ASB18: variants seen among roughly 807,000 people sequenced by gnomAD.
ASB18 encodes ankyrin repeat and SOCS box protein 18.
Under a neutral mutation model 33.4 loss-of-function variants are expected in ASB18, and 33 were observed. The ratio of observed to expected loss-of-function variants is 0.99; its 90% CI spans 0.75 to 1.32. The LOEUF (loss-of-function observed/expected upper bound fraction) is 1.32, where lower values mean the gene tolerates loss of function less well. Among genes scored for constraint, ASB18 ranks in the 40% most tolerant of loss-of-function variants. ASB18 has a pLI of 0.00. For missense variants in ASB18, 694 were observed against 655.5 expected (o/e 1.06, Z -0.64); for synonymous variants, 295 against 307.6 (o/e 0.96, Z 0.43).
rs779176737 is a variant in ASB18 at position 236,241,337 on chromosome 2, T to A, written c.271A>T (p.Ile91Phe). The part of the protein sequence containing the change: ...FFQDANVVFE[I>F]NKDEMEWQVK... ...TGCCATTCCATCTCATCCTTATTGATCTCAAACACCACGTTGGCATCCTGG... is the reference window on the plus strand; with the variant it reads ...TGCCATTCCATCTCATCCTTATTGAACTCAAACACCACGTTGGCATCCTGG... The change falls in exon 2 of 6, where the codon ATC becomes TTC. Residue 91 changes from isoleucine (I) to phenylalanine (F), a missense_variant. Ile to Phe is a conservative substitution (Grantham distance 21). Transcript: ENST00000409749. The surrounding 1 kb of genome is among the most constrained non-coding windows in gnomAD (Gnocchi z 4.2). 2 of 1,613,884 alleles carry A rather than the reference T, an allele frequency of 1.2e-6. No individual in the cohort carries two copies. The highest frequency in any genetic ancestry group is 1.7e-6 in the Non-Finnish European group (2 of 1,179,836).
intron 3 of ASB18, among the ~76,000 whole-genome samples, chr2:236,230,455 TA>T (rs1422149046): frequency 6.6e-6 from 1 of 151,198 alleles, no homozygotes; most frequent in African/African-American, 2.4e-5. Flanking sequence ...TGAGTAAACA[TA>T]AACACTTGTT....
chr2:236,213,160 G>A lies in ASB18; in HGVS notation c.1101+1202C>T, dbSNP rs2060466695. ...TTCCCTTTCAGGAGTCCACTATATT[G>A]AAATCATTGCCTTAGTGGAGCACCA... On this transcript the variant is annotated intron_variant, in intron 4 of 5. Coordinates refer to ENST00000409749, the MANE Select transcript of ASB18 (RefSeq NM_212556.4). The surrounding 1 kb of genome is among the most constrained non-coding windows in gnomAD (Gnocchi z 4.8). 6.6e-6 allele frequency among the ~76,000 whole-genome samples: 1 copy of A among 151,428 alleles called. No homozygotes were observed. The highest frequency in any genetic ancestry group is 2.4e-5 in the African/African-American group (1 of 41,248).
Position 236,222,637 on chromosome 2 carries a change from CA to C in ASB18, c.597-7772del, listed in dbSNP as rs1172054967. Among the ~76,000 whole-genome samples, 5 of 152,146 alleles carry C rather than the reference CA, an allele frequency of 3.3e-5. No individual in the cohort carries two copies. Among genetic ancestry groups the C allele is most frequent in the African/African-American group, 1.2e-4 (5 of 41,416 alleles). On this transcript the variant is annotated intron_variant, in intron 3 of 5. Coordinates refer to ENST00000409749, the MANE Select transcript of ASB18 (RefSeq NM_212556.4). This position sits in a 1 kb window ranked among gnomAD's most constrained non-coding sequence, Gnocchi z 5.5. ...GGGGCCTGGTGGGAGGTGGTTGGTTCATGGGGGTAGGTCTCTCACGAATGGT... is the reference window on the plus strand; with the variant it reads ...GGGGCCTGGTGGGAGGTGGTTGGTTCTGGGGGTAGGTCTCTCACGAATGGT...
In ASB18 at chr2:236,216,879, C is replaced by T. The variant is rs1282912691; in HGVS notation, c.597-2013G>A. Among the ~76,000 whole-genome samples, 9 of 152,258 alleles carry T rather than the reference C, an allele frequency of 5.9e-5. No homozygotes were observed. The East Asian group carries it at 1.8e-3, about 30-fold the overall frequency. The stretch of plus-strand genomic sequence containing the variant: ...GTTCACCTCCTGAGGCGCCGCCTCT[C>T]CATGCTTCAATTCTGCCTGACCAGG... On this transcript the variant is annotated intron_variant, in intron 3 of 5. Coordinates refer to ENST00000409749, the MANE Select transcript of ASB18 (RefSeq NM_212556.4). The surrounding 1 kb of genome is among the most constrained non-coding windows in gnomAD (Gnocchi z 6.1).
rs1420507927 is a variant in ASB18, at chr2:236,228,486, A to G, written c.596+9203T>C. Among the ~76,000 whole-genome samples the G allele has an allele frequency of 6.6e-6, 1 of 152,168 alleles. No individual in the cohort carries two copies. Among genetic ancestry groups the G allele is most frequent in the African/African-American group, 2.4e-5 (1 of 41,428 alleles). ...CCCCTTGATTATTCAGCTCAATACC[A>G]ATTAGTGTGTGGGCATGAGGAAACT... On this transcript the variant is annotated intron_variant, in intron 3 of 5. Transcript: ENST00000409749. The surrounding 1 kb of genome is among the most constrained non-coding windows in gnomAD (Gnocchi z 5.1).
intron 1 of ASB18, among the ~76,000 whole-genome samples, chr2:236,258,081 C>G (rs1037082755): frequency 1.3e-5 from 2 of 152,210 alleles, no homozygotes; most frequent in Non-Finnish European, 2.9e-5. Context: ...TTAATCTGTG[C>G]ATATGAGTTC....
Position 236,213,004 on chromosome 2 carries a change from T to C in ASB18, c.1101+1358A>G, listed in dbSNP as rs1054543060. ...TGGTTTAATGCAGACACAGTGTGCA[T>C]GGGAAGGGCAGTGAGTCTTGTTTCC... is the stretch of plus-strand genomic sequence containing the variant. On this transcript the variant is annotated intron_variant, in intron 4 of 5. Transcript: ENST00000409749. This position sits in a 1 kb window ranked among gnomAD's most constrained non-coding sequence, Gnocchi z 4.8. Among the ~76,000 whole-genome samples, 1 of 152,188 alleles carries C rather than the reference T, an allele frequency of 6.6e-6. No homozygotes were observed. Among genetic ancestry groups the C allele is most frequent in the Admixed American group, 6.5e-5 (1 of 15,282 alleles).
chr2:236,193,534 T>C lies in ASB18; in HGVS notation c.*1338A>G, dbSNP rs752033464. 1.2e-4 allele frequency among the ~76,000 whole-genome samples: 19 copies of C among 152,228 alleles called. No homozygotes were observed. Among genetic ancestry groups the C allele is most frequent in the Non-Finnish European group, 2.5e-4 (17 of 68,044 alleles). ...TGATTCGGCAGGGCATGGTGACTCA[T>C]GCCTGTAATCCCAGCACTTTGGGAG... On this transcript the variant is annotated 3_prime_UTR_variant, in exon 6 of 6. Coordinates refer to ENST00000409749, the MANE Select transcript of ASB18 (RefSeq NM_212556.4). The surrounding 1 kb of genome is among the most constrained non-coding windows in gnomAD (Gnocchi z 5.0).
intron 1 of ASB18, among the ~76,000 whole-genome samples, chr2:236,246,289 G>C (rs1017081036): frequency 6.9e-6 from 1 of 145,492 alleles, no homozygotes; most frequent in African/African-American, 2.5e-5. Context: ...CTGGGAGGCA[G>C]TGGGCTGAGA....
At position 236,203,608 on chromosome 2, in the gene ASB18, G is replaced by A. The variant is rs1034729538; in HGVS notation, c.1102-7223C>T. ...AGGCTGGGTGTGGTGGCTCATGCCT[G>A]TAATCCCAGCACTTTGGGAAGCCAA... On this transcript the variant is annotated intron_variant, in intron 4 of 5. Coordinates refer to ENST00000409749, the MANE Select transcript of ASB18 (RefSeq NM_212556.4). This position sits in a 1 kb window ranked among gnomAD's most constrained non-coding sequence, Gnocchi z 6.0. 3.9e-5 allele frequency among the ~76,000 whole-genome samples: 6 copies of A among 152,114 alleles called. No individual in the cohort carries two copies. Among genetic ancestry groups the A allele is most frequent in the African/African-American group, 7.2e-5 (3 of 41,414 alleles).
rs896265691 is a variant in ASB18, at chr2:236,252,915, G to A, written c.205+11226C>T. Among the ~76,000 whole-genome samples, 2 of 152,218 alleles carry A rather than the reference G, an allele frequency of 1.3e-5. No individual in the cohort carries two copies. The highest frequency in any genetic ancestry group is 2.1e-4 in the South Asian group (1 of 4,834). On this transcript the variant is annotated intron_variant, in intron 1 of 5. Transcript: ENST00000409749. The surrounding 1 kb of genome is among the most constrained non-coding windows in gnomAD (Gnocchi z 7.9). ...ATCACCTAAGAACACTCCTCCCAAC[G>A]TGGCCAGATCCAGTGATGGATCCAG...
Position 236,206,743 on chromosome 2 carries a change from C to T in ASB18, c.1101+7619G>A, listed in dbSNP as rs540583908. Reference sequence around the variant, plus strand: ...ACAACTTTACACATGGAATTGGTTACGTAGGTAATCAAACTGCTGAGATTC... The same window carrying T: ...ACAACTTTACACATGGAATTGGTTATGTAGGTAATCAAACTGCTGAGATTC... On this transcript the variant is annotated intron_variant, in intron 4 of 5. Coordinates refer to ENST00000409749, the MANE Select transcript of ASB18 (RefSeq NM_212556.4). Among the ~76,000 whole-genome samples, 6 of 152,324 alleles carry T rather than the reference C, an allele frequency of 3.9e-5. No individual in the cohort carries two copies. The South Asian group carries it at 1.0e-3, about 26-fold the overall frequency.
chr2:236,227,141 C>G (rs370076755), intron 3 of ASB18, among the ~76,000 whole-genome samples: 1 of 151,940 alleles, frequency 6.6e-6, no homozygotes, highest in African/African-American at 2.4e-5. Context: ...TTTGGCAAGG[C>G]GGGGAGGGAG....
At chr2:236,198,036 T>A (rs865877570) in intron 4 of ASB18, among the ~76,000 whole-genome samples, 8 of 152,190 alleles carry the variant, frequency 5.3e-5, no homozygotes, top group Non-Finnish European at 1.2e-4. Flanking sequence ...GGGCCTGCCC[T>A]GCGTCATGTC....
At position 236,225,590 on chromosome 2, in the gene ASB18, T is replaced by A. The variant is rs2060533498; in HGVS notation, c.597-10724A>T. Among the ~76,000 whole-genome samples the A allele has an allele frequency of 1.3e-5, 2 of 152,040 alleles. No homozygotes were observed. Among genetic ancestry groups the A allele is most frequent in the African/African-American group, 4.8e-5 (2 of 41,380 alleles). The stretch of plus-strand genomic sequence containing the variant: ...ACATTCTTTTCTTATTTTAATTATC[T>A]CGAATAAAAAGGGTCAAGGAGAGGA... On this transcript the variant is annotated intron_variant, in intron 3 of 5. Coordinates refer to ENST00000409749, the MANE Select transcript of ASB18 (RefSeq NM_212556.4). This position sits in a 1 kb window ranked among gnomAD's most constrained non-coding sequence, Gnocchi z 5.1.
At chr2:236,242,809 T>A (rs1265877092) in intron 1 of ASB18, among the ~76,000 whole-genome samples, 1 of 143,324 alleles carries the variant, frequency 7.0e-6, no homozygotes, top group East Asian at 2.1e-4. Flanking sequence ...ATTTGTTGAG[T>A]CCAGGAGTTT....
At chr2:236,198,869 T>G (rs1435851955) in intron 4 of ASB18, among the ~76,000 whole-genome samples, 1 of 152,172 alleles carries the variant, frequency 6.6e-6, no homozygotes, top group Non-Finnish European at 1.5e-5. Flanking sequence ...TATTAATATT[T>G]CTTGTCTTAT....
intron 1 of ASB18, among the ~76,000 whole-genome samples, chr2:236,243,764 G>T (rs1036879426): frequency 2.6e-5 from 4 of 152,010 alleles, no homozygotes; most frequent in African/African-American, 9.7e-5. Flanking sequence ...TTGGTTCAGG[G>T]CTTTATTTTA....
At position 236,214,758 on chromosome 2, in the gene ASB18, C is replaced by A; in HGVS notation, c.705G>T (p.Ala235=). Residue 235 remains alanine, a synonymous_variant, in exon 4 of 6, where the codon GCG becomes GCT. Coordinates refer to ENST00000409749, the MANE Select transcript of ASB18 (RefSeq NM_212556.4). This position sits in a 1 kb window ranked among gnomAD's most constrained non-coding sequence, Gnocchi z 6.5. ...GCGCCCCGCGGCCCAGGTACAGGCG[C>A]GCGTGCTCGTCCAGGCCGCGCTGCG... is the stretch of plus-strand genomic sequence containing the variant. The part of the protein sequence containing the change: ...VAAQRGLDEH[A]RLYLGRGAHV... 1 of 1,179,954 alleles carries A rather than the reference C, an allele frequency of 8.5e-7. No individual in the cohort carries two copies. The highest frequency in any genetic ancestry group is 1.0e-6 in the Non-Finnish European group (1 of 954,990). 73.1% of individuals were successfully genotyped at this position (1,179,954 alleles called of 1,614,324 possible).
Sources: gnomAD v4.1 joint callset for allele counts (sites outside exome capture counted in the v4.1 genomes callset) on GRCh38, gnomAD v4.1.1 for gene constraint, Gnocchi (gnomAD v3.1) non-coding constraint, MANE v1.5 for transcripts, NCBI Gene and HGNC (gene_info 2026-07-23, HGNC 2026-07-21) for gene names.